The following IFT74 variants were observed in gnomAD, a reference collection of about 807,000 sequenced individuals.
IFT74 encodes the protein intraflagellar transport 74.
A neutral mutation model predicts 96.7 loss-of-function variants in IFT74; 92 were observed. The observed-to-expected ratio is 0.95, with a 90% CI of 0.80 to 1.13. The LOEUF is 1.13. IFT74 is among the 50% of genes most tolerant of loss of function. The probability of loss-of-function intolerance (pLI) is 0.00; values close to 1 mark genes in which losing one functional copy is unlikely to be tolerated. For synonymous variants in IFT74, 223 were observed against 213.2 expected, an observed-to-expected ratio of 1.05 and a Z score of -0.40; for missense variants, 811 against 698.2, an observed-to-expected ratio of 1.16 and a Z score of -1.82.
chr9:26,964,022 A>T (rs1826492004), intron 2 of IFT74, among the ~76,000 whole-genome samples: 1 of 149,826 alleles, frequency 6.7e-6, no homozygotes, highest in South Asian at 2.2e-4. Flanking sequence ...GGTGTTTTAG[A>T]CATGAAGTCC....
intron 9 of IFT74, among the ~76,000 whole-genome samples, chr9:27,010,299 A>C (rs1216994049): frequency 6.6e-6 from 1 of 151,054 alleles, no homozygotes; most frequent in African/African-American, 2.4e-5. Flanking sequence ...TTATGCTAGA[A>C]ACATTTTGAA....
At chr9:27,012,735 T>TTTTTTTTA (rs1432648656) in intron 10 of IFT74, among the ~76,000 whole-genome samples, 1 of 118,092 alleles carries the variant, frequency 8.5e-6, no homozygotes, top group African/African-American at 3.4e-5. Flanking sequence ...TTTTTTTTTT[T>TTTTTTTTA]AGACAGAGTA....
At chr9:27,038,736 A>G (rs886552670) in intron 13 of IFT74, among the ~76,000 whole-genome samples, 6 of 152,224 alleles carry the variant, frequency 3.9e-5, no homozygotes, top group African/African-American at 1.2e-4. Flanking sequence ...GATGACAGTG[A>G]TAACAGATTT....
intron 8 of IFT74, among the ~76,000 whole-genome samples, chr9:27,000,186 T>G (rs1828402310): frequency 6.6e-6 from 1 of 152,210 alleles, no homozygotes; most frequent in East Asian, 1.9e-4. Context: ...CTTTGAAGAA[T>G]GAGACTGATT....
chr9:27,005,188 A>G (rs566798933), intron 8 of IFT74, among the ~76,000 whole-genome samples: 1 of 152,148 alleles, frequency 6.6e-6, no homozygotes, highest in Non-Finnish European at 1.5e-5. Context: ...AAACCTAAGT[A>G]AGAAGAATAG....
At chr9:26,986,691 T>A (rs1272903475) in intron 6 of IFT74, among the ~76,000 whole-genome samples, 2 of 152,142 alleles carry the variant, frequency 1.3e-5, no homozygotes. Flanking sequence ...AGCATGATTG[T>A]AGTTCACTGC....
chr9:27,060,823 G>T (rs188285257), intron 19 of IFT74, 172 bp downstream of exon 19: 4 of 380,794 alleles, frequency 1.1e-5, no homozygotes, highest in Non-Finnish European at 1.4e-5. Flanking sequence ...ATAGCCGGGC[G>T]TGGTGGCGGG....
chr9:27,031,786 A>T (rs898511603), intron 13 of IFT74, among the ~76,000 whole-genome samples: 20 of 140,542 alleles, frequency 1.4e-4, no homozygotes, highest in Non-Finnish European at 2.5e-4. Flanking sequence ...TAAAATAAAT[A>T]AAATAAAATG....
At chr9:27,050,885 A>AAT (rs940905320) in intron 16 of IFT74, among the ~76,000 whole-genome samples, 22 of 151,584 alleles carry the variant, frequency 1.5e-4, no homozygotes, top group African/African-American at 2.9e-4. Flanking sequence ...AAAGTATAAT[A>AAT]ATATATATAT....
chr9:26,987,148 C>A (rs1587291693), intron 6 of IFT74, among the ~76,000 whole-genome samples: 1 of 152,010 alleles, frequency 6.6e-6, no homozygotes, highest in East Asian at 1.9e-4. Context: ...CTCTTGGGTT[C>A]AAGTGATTAT....
intron 16 of IFT74, among the ~76,000 whole-genome samples, chr9:27,052,576 T>G (rs961219385): frequency 5.3e-5 from 8 of 151,392 alleles, no homozygotes; most frequent in Admixed American, 1.3e-4. Flanking sequence ...GAAAAAAAAT[T>G]GAAAACTGGC....
At chr9:27,035,006 T>G (rs2131661210) in intron 13 of IFT74, among the ~76,000 whole-genome samples, 1 of 152,348 alleles carries the variant, frequency 6.6e-6, no homozygotes, top group East Asian at 1.9e-4. Context: ...TTGTGAGAAT[T>G]AGATTAGATA....
chr9:26,963,681 G>C (rs1826473090), intron 2 of IFT74, among the ~76,000 whole-genome samples: 1 of 152,042 alleles, frequency 6.6e-6, no homozygotes, highest in African/African-American at 2.4e-5. Flanking sequence ...TCTCATTGTG[G>C]TTTTGACTTG....
At chr9:26,971,852 A>G (rs758948908) in intron 2 of IFT74, among the ~76,000 whole-genome samples, 2 of 152,184 alleles carry the variant, frequency 1.3e-5, no homozygotes, top group Non-Finnish European at 2.9e-5. Flanking sequence ...TAGAATCAGT[A>G]TAGATAGTTC....
chr9:27,004,485 G>C (rs539601116), intron 8 of IFT74, among the ~76,000 whole-genome samples: 2 of 152,188 alleles, frequency 1.3e-5, no homozygotes, highest in East Asian at 3.8e-4. Context: ...AAGAGGGGGT[G>C]ATGTCGATTA....
At chr9:27,023,235 C>A (rs1258406413) in intron 12 of IFT74, among the ~76,000 whole-genome samples, 1 of 152,020 alleles carries the variant, frequency 6.6e-6, no homozygotes, top group African/African-American at 2.4e-5. Flanking sequence ...TTGTCTTGTT[C>A]CAGTTCTTAG....
rs1230355624 is a variant in IFT74 at position 27,052,251 on chromosome 9, T to C, written c.1334-3358T>C. ...TGGGCCAGGGGAGGTGGCTCACGCC[T>C]GTAATCCCACCACTTTGGGAGGCCA... On this transcript the variant is annotated intron_variant, in intron 16 of 19. Coordinates refer to ENST00000380062, the MANE Select transcript of IFT74 (RefSeq NM_025103.4). Among the ~76,000 whole-genome samples the C allele has an allele frequency of 2.6e-5, 4 of 152,284 alleles. No individual in the cohort carries two copies. In the East Asian group the frequency reaches 7.7e-4, roughly 29 times the overall value.
chr9:27,049,889 T>A (rs1428261675), intron 16 of IFT74, among the ~76,000 whole-genome samples: 1 of 152,168 alleles, frequency 6.6e-6, no homozygotes, highest in East Asian at 1.9e-4. Context: ...ATATAAAGTT[T>A]TCGAGTAGCC....
chr9:27,021,094 C>T (rs1829577678), intron 12 of IFT74, among the ~76,000 whole-genome samples: 2 of 152,018 alleles, frequency 1.3e-5, no homozygotes, highest in African/African-American at 4.8e-5. Context: ...GCTGTGAATG[C>T]CATTATTTTG....
Sources: allele counts gnomAD v4.1 joint callset (sites outside exome capture counted in the v4.1 genomes callset), GRCh38; gene constraint gnomAD v4.1.1; transcripts MANE v1.5; gene names NCBI Gene and HGNC (gene_info 2026-07-23, HGNC 2026-07-21).